The following B3GALNT2 variants were observed in gnomAD, a reference collection of about 807,000 sequenced individuals.
The protein encoded by B3GALNT2 is UDP-GalNAc:beta-1,3-N-acetylgalactosaminyltransferase 2.
In B3GALNT2, 53 loss-of-function variants were observed where a neutral mutation model predicts 61.1. The observed-to-expected ratio is 0.87, with a 90% confidence interval of 0.70 to 1.09. The LOEUF is 1.09. Among genes scored for constraint, B3GALNT2 ranks in the 50% least tolerant of loss-of-function variants. The pLI, the probability that B3GALNT2 is intolerant of heterozygous loss-of-function variation, is 0.00. For synonymous variants in B3GALNT2, 223 were observed against 237.4 expected, an observed-to-expected ratio of 0.94 and a Z score of 0.56; for missense variants, 544 against 623.0, an observed-to-expected ratio of 0.87 and a Z score of 1.35.
At chr1:235,498,874 A>T (rs987634595) in intron 1 of B3GALNT2, among the ~76,000 whole-genome samples, 1 of 136,270 alleles carries the variant, frequency 7.3e-6, no homozygotes, top group Non-Finnish European at 1.6e-5. Flanking sequence ...AAAAAAAAAA[A>T]AGGCTACTCT....
At chr1:235,443,209 C>T (rs1682022064), downstream of B3GALNT2, among the ~76,000 whole-genome samples, 1 of 151,516 alleles carries the variant, frequency 6.6e-6, no homozygotes, top group Non-Finnish European at 1.5e-5. Context: ...CACACACACA[C>T]AATTTTTTTT....
chr1:235,463,562 ATTTC>A (rs1166526572), intron 7 of B3GALNT2: 5 of 141,634 alleles, frequency 3.5e-5, no homozygotes, highest in African/African-American at 8.1e-5. Context: ...ACATTTCCTA[ATTTC>A]TTTTTTTTTT....
chr1:235,491,353 C>T (rs952150688), intron 2 of B3GALNT2, among the ~76,000 whole-genome samples: 1 of 152,086 alleles, frequency 6.6e-6, no homozygotes, highest in Admixed American at 6.6e-5. Flanking sequence ...ATGGAATTTA[C>T]GATAAACAGT....
intron 5 of B3GALNT2, among the ~76,000 whole-genome samples, chr1:235,474,969 A>ATTTTT: frequency 3.5e-5 from 1 of 28,778 alleles, no homozygotes; most frequent in East Asian, 1.2e-3. Flanking sequence ...ATATATATAT[A>ATTTTT]TATATATATA....
chr1:235,478,637 C>A (rs1684411439), intron 5 of B3GALNT2, among the ~76,000 whole-genome samples: 1 of 152,162 alleles, frequency 6.6e-6, no homozygotes, highest in Admixed American at 6.5e-5. Flanking sequence ...TTTTCCATAA[C>A]ACCGAAAAAT....
intron 1 of B3GALNT2, among the ~76,000 whole-genome samples, chr1:235,502,239 C>G (rs1347455938): frequency 6.6e-6 from 1 of 152,230 alleles, no homozygotes; most frequent in Admixed American, 6.5e-5. Context: ...TCTTGAACTC[C>G]TGACCTCAGG....
chr1:235,462,464 A>G (rs922029335), intron 7 of B3GALNT2, among the ~76,000 whole-genome samples: 1 of 152,216 alleles, frequency 6.6e-6, no homozygotes, highest in African/African-American at 2.4e-5. Context: ...GTAGAAAATC[A>G]TAAGGTCTAA....
chr1:235,460,574 C>G (rs557650664), intron 7 of B3GALNT2, among the ~76,000 whole-genome samples: 1 of 149,356 alleles, frequency 6.7e-6, no homozygotes, highest in Non-Finnish European at 1.5e-5. Context: ...TGATTATTTC[C>G]TTTGTTTTTT....
intron 11 of B3GALNT2, chr1:235,451,206 C>T (rs1160564868): frequency 1.2e-4 from 19 of 152,166 alleles, no homozygotes; most frequent in Admixed American, 1.2e-3. Context: ...ACAAAACACA[C>T]TCAGCTTGTC....
chr1:235,456,865 T>G (rs1430555433), intron 8 of B3GALNT2, among the ~76,000 whole-genome samples: 1 of 152,138 alleles, frequency 6.6e-6, no homozygotes, highest in Non-Finnish European at 1.5e-5. Context: ...CACCTACAAT[T>G]GCAACTCTCA....
rs140104308 is a variant in B3GALNT2, at chr1:235,448,745, C to T, written c.*1461G>A. ...TTATTCTGTGGAAAATGGAGATTGT[C>T]TATTAGTGCGATGGTGACAACCAAC... On this transcript the variant is annotated 3_prime_UTR_variant, in exon 12 of 12. Transcript: ENST00000366600. 2.2e-5 allele frequency: 36 copies of T among 1,613,022 alleles called. No individual in the cohort carries two copies. In the African/African-American group the frequency reaches 4.3e-4, roughly 19 times the overall value.
At position 235,448,723 on chromosome 1, in the gene B3GALNT2, T is replaced by C; in HGVS notation, c.*1483A>G. ...ATGACCTAAAGTCATTACAGTTTTATTCTGTGGAAAATGGAGATTGTCTAT... is the reference window on the plus strand; with the variant it reads ...ATGACCTAAAGTCATTACAGTTTTACTCTGTGGAAAATGGAGATTGTCTAT... On this transcript the variant is annotated 3_prime_UTR_variant, in exon 12 of 12. Transcript: ENST00000366600. 6.2e-7 allele frequency: 1 copy of C among 1,614,138 alleles called. No homozygotes were observed. Among genetic ancestry groups the C allele is most frequent in the Non-Finnish European group, 8.5e-7 (1 of 1,180,000 alleles).
chr1:235,494,769 A>T lies in B3GALNT2; in HGVS notation c.172T>A (p.Leu58Met). 3 of 1,611,674 alleles carry T rather than the reference A, an allele frequency of 1.9e-6. No individual in the cohort carries two copies. The highest frequency in any genetic ancestry group is 2.5e-6 in the Non-Finnish European group (3 of 1,177,828). The change falls in exon 2 of 12, where the codon TTG becomes ATG. Residue 58 changes from leucine to methionine, a missense_variant. Transcript: ENST00000366600. ...AGTTCATGGTTATTGCGAGCTGACAACACGCCAACTACCACATCATAGTGA... is the reference window on the plus strand; with the variant it reads ...AGTTCATGGTTATTGCGAGCTGACATCACGCCAACTACCACATCATAGTGA... ...STHYDVVVGV[L>M]SARNNHELRN... is the part of the protein sequence containing the mutation.
At chr1:235,499,842 G>A (rs1685505670) in intron 1 of B3GALNT2, among the ~76,000 whole-genome samples, 1 of 152,186 alleles carries the variant, frequency 6.6e-6, no homozygotes, top group African/African-American at 2.4e-5. Flanking sequence ...GTATGGGATA[G>A]GACCCTCTCT....
intron 7 of B3GALNT2, among the ~76,000 whole-genome samples, chr1:235,461,512 T>G (rs1294644774): frequency 2.3e-5 from 3 of 128,706 alleles, no homozygotes; most frequent in East Asian, 2.3e-4. Context: ...CTCCTGTTTT[T>G]TTTTTTTTTT....
At chr1:235,496,504 GTATCATT>G (rs1440731808) in intron 1 of B3GALNT2, among the ~76,000 whole-genome samples, 3 of 150,714 alleles carry the variant, frequency 2.0e-5, no homozygotes, top group Non-Finnish European at 4.4e-5. Flanking sequence ...TACATATAGA[GTATCATT>G]TAATGTTCAC....
At chr1:235,462,207 C>T (rs545169399) in intron 7 of B3GALNT2, among the ~76,000 whole-genome samples, 18 of 152,254 alleles carry the variant, frequency 1.2e-4, no homozygotes, top group Admixed American at 1.0e-3. Context: ...AGGAAAATGG[C>T]TTGTAACAAC....
At chr1:235,441,991 T>A in the B3GALNT2 span, 1 of 972,852 alleles carries the variant, frequency 1.0e-6, no homozygotes, top group Non-Finnish European at 1.5e-6. Flanking sequence ...AGTAAATGCC[T>A]TGAGTTTTAA....
Position 235,449,175 on chromosome 1 carries a change from G to A in B3GALNT2, c.*1031C>T, listed in dbSNP as rs879017593. 6 of 247,268 alleles carry A rather than the reference G, an allele frequency of 2.4e-5. No individual in the cohort carries two copies. The Admixed American group carries it at 3.1e-4, about 13-fold the overall frequency. The allele number at this position is 247,268 out of a possible 1,614,324, so 15.3% of individuals were successfully genotyped here. ...GAAATGATTTGGTTGGTCATTTTGG[G>A]AAATGTCCCTTAAACTTGGGGAGAC... On this transcript the variant is annotated 3_prime_UTR_variant, in exon 12 of 12. Transcript: ENST00000366600.
Sources: gnomAD v4.1 joint callset for allele counts (sites outside exome capture counted in the v4.1 genomes callset) on GRCh38, gnomAD v4.1.1 for gene constraint, MANE v1.5 for transcripts, NCBI Gene and HGNC (gene_info 2026-07-23, HGNC 2026-07-21) for gene names.